MBNL1: variants seen among roughly 807,000 people sequenced by gnomAD.
MBNL1 encodes the protein muscleblind like splicing regulator 1.
In MBNL1, 8 loss-of-function variants were observed where a neutral mutation model predicts 42.2. The observed-to-expected ratio is 0.19, with a 90% CI of 0.11 to 0.34. The LOEUF (loss-of-function observed/expected upper bound fraction) is 0.34, where lower values mean the gene tolerates loss of function less well. Among genes scored for constraint, MBNL1 ranks in the 10% least tolerant of loss-of-function variants. The pLI, the probability that MBNL1 is intolerant of heterozygous loss-of-function variation, is 1.00. For missense variants in MBNL1, 309 were observed against 495.3 expected (o/e 0.62, Z 3.57); for synonymous variants, 169 against 173.9 (o/e 0.97, Z 0.22).
upstream of MBNL1, chr3:152,268,918 C>A (rs1034447152): frequency 2.2e-6 from 1 of 455,900 alleles, no homozygotes; most frequent in Non-Finnish European, 4.4e-6. Flanking sequence ...GGCTGCACAG[C>A]GACATGCAAC....
chr3:152,374,136 A>C (rs1186934177), intron 2 of MBNL1, among the ~76,000 whole-genome samples: 1 of 152,260 alleles, frequency 6.6e-6, no homozygotes, highest in African/African-American at 2.4e-5. Context: ...TAAAGATAAA[A>C]GAAATAGAAT....
intron 2 of MBNL1, among the ~76,000 whole-genome samples, chr3:152,310,748 A>C (rs796276206): frequency 3.9e-5 from 6 of 152,250 alleles, no homozygotes; most frequent in African/African-American, 1.4e-4. Flanking sequence ...GTCTGAACCT[A>C]AAGTCCAGAA....
At chr3:152,436,145 G>A (rs182304869) in intron 4 of MBNL1, among the ~76,000 whole-genome samples, 1 of 152,264 alleles carries the variant, frequency 6.6e-6, no homozygotes, top group East Asian at 1.9e-4. Flanking sequence ...TGTCAGTTTA[G>A]CAGGAATTTA....
chr3:152,414,818 T>C (rs948032332), intron 2 of MBNL1, 123 bp from the exon 3 acceptor site: 5 of 835,260 alleles, frequency 6.0e-6, no homozygotes, highest in African/African-American at 3.5e-5. Context: ...TCAAATGATA[T>C]GGACAATGCA....
At chr3:152,268,584 G>T (rs1045720029), upstream of MBNL1, 2 of 355,890 alleles carry the variant, frequency 5.6e-6, no homozygotes, top group Non-Finnish European at 1.1e-5. Context: ...CCCGCCGCGA[G>T]GTTACAATGC....
At chr3:152,336,093 A>C (rs1044747806) in intron 2 of MBNL1, among the ~76,000 whole-genome samples, 4 of 152,188 alleles carry the variant, frequency 2.6e-5, no homozygotes, top group Non-Finnish European at 4.4e-5. Context: ...TGCGATGCTT[A>C]ACAACAGTTA....
At chr3:152,379,541 T>C (rs2097087349) in intron 2 of MBNL1, among the ~76,000 whole-genome samples, 1 of 152,206 alleles carries the variant, frequency 6.6e-6, no homozygotes, top group African/African-American at 2.4e-5. Flanking sequence ...TGTTTATGCA[T>C]TTCAGATGCG....
Position 152,455,552 on chromosome 3 carries a change from G to T in MBNL1, c.972G>T (p.Leu324Phe), listed in dbSNP as rs1174106822. Reference sequence around the variant, plus strand: ...ATGCATGATGGGCAGGCTCAATATTGTGCATGACACCCGCTACAAGTGTTG... The same window carrying T: ...ATGCATGATGGGCAGGCTCAATATTTTGCATGACACCCGCTACAAGTGTTG... ...HTAFLPPGSILCMTPATSVVP... is the reference protein window; with the variant it reads ...HTAFLPPGSIFCMTPATSVVP... Residue 324 changes from leucine to phenylalanine, a missense_variant, in exon 7 of 10, where the codon TTG becomes TTT. Physicochemically the swap from Leu to Phe is conservative, Grantham distance 22. Transcript: ENST00000324210. 6.2e-7 allele frequency: 1 copy of T among 1,613,322 alleles called. No individual in the cohort carries two copies. The highest frequency in any genetic ancestry group is 1.1e-5 in the South Asian group (1 of 91,030).
intron 3 of MBNL1, among the ~76,000 whole-genome samples, chr3:152,423,295 A>G (rs1294966942): frequency 2.0e-5 from 3 of 152,258 alleles, no homozygotes; most frequent in East Asian, 1.9e-4. Context: ...AGAGAATACT[A>G]TAAACACCTC....
chr3:152,418,725 T>C (rs549090999), intron 3 of MBNL1, among the ~76,000 whole-genome samples: 1 of 149,466 alleles, frequency 6.7e-6, no homozygotes, highest in African/African-American at 2.5e-5. Context: ...TTTTTTTTTT[T>C]TTTTTTTTTG....
At chr3:152,321,534 A>G (rs2076491342) in intron 2 of MBNL1, among the ~76,000 whole-genome samples, 1 of 152,068 alleles carries the variant, frequency 6.6e-6, no homozygotes, top group Non-Finnish European at 1.5e-5. Flanking sequence ...CCATGAAGCA[A>G]TACTTAATGT....
chr3:152,317,323 T>A (rs1375489220), intron 2 of MBNL1, among the ~76,000 whole-genome samples: 1 of 152,148 alleles, frequency 6.6e-6, no homozygotes, highest in Non-Finnish European at 1.5e-5. Context: ...TTTATTCCTT[T>A]AAAAAAATTT....
At chr3:152,358,383 A>G (rs1337614713) in intron 2 of MBNL1, among the ~76,000 whole-genome samples, 1 of 152,132 alleles carries the variant, frequency 6.6e-6, no homozygotes, top group Admixed American at 6.6e-5. Context: ...GCTTCTTGAG[A>G]ATTGTGTAGT....
chr3:152,300,669 T>C (rs2060360447), intron 2 of MBNL1, among the ~76,000 whole-genome samples: 1 of 152,222 alleles, frequency 6.6e-6, no homozygotes, highest in Non-Finnish European at 1.5e-5. Flanking sequence ...ATGGTAAATG[T>C]AGCTACCTGT....
rs2097679034 is a variant in MBNL1 at position 152,390,649 on chromosome 3, T to A, written c.175-24292T>A. On this transcript the variant is annotated intron_variant, in intron 2 of 9. Transcript: ENST00000324210. ...CACACACACACACACACACACACTC[T>A]GATATAAGTGGGTTGTAGTCCTCTG... Among the ~76,000 whole-genome samples the A allele has an allele frequency of 2.6e-5, 3 of 117,060 alleles. No individual in the cohort carries two copies. In the South Asian group the frequency reaches 7.8e-4, roughly 31 times the overall value. 76.8% of individuals were successfully genotyped at this position (117,060 alleles called of 152,430 possible). A position where few individuals can be genotyped will look rare whatever the true frequency, so the allele number is the denominator to read the frequency against.
chr3:152,426,565 G>T (rs1207058744), intron 3 of MBNL1, among the ~76,000 whole-genome samples: 1 of 152,164 alleles, frequency 6.6e-6, no homozygotes, highest in Non-Finnish European at 1.5e-5. Context: ...CAGAAATTCT[G>T]TTGTTGCCAG....
intron 2 of MBNL1, among the ~76,000 whole-genome samples, chr3:152,359,408 A>T (rs2095778029): frequency 6.6e-6 from 1 of 152,354 alleles, no homozygotes; most frequent in African/African-American, 2.4e-5. Flanking sequence ...GGTGAGATGG[A>T]TCCAGTGGTA....
intron 2 of MBNL1, among the ~76,000 whole-genome samples, chr3:152,373,941 T>G (rs2096788739): frequency 6.6e-6 from 1 of 152,220 alleles, no homozygotes; most frequent in South Asian, 2.1e-4. Flanking sequence ...TTGATGATTT[T>G]CCTTATTTAT....
upstream of MBNL1, chr3:152,268,556 G>C (rs1276296249): frequency 5.7e-6 from 2 of 350,034 alleles, no homozygotes; most frequent in South Asian, 2.1e-5. Context: ...AGAAGCGGGA[G>C]GGCGTCCGGT....
Sources: gnomAD v4.1 joint callset for allele counts (sites outside exome capture counted in the v4.1 genomes callset) on GRCh38, gnomAD v4.1.1 for gene constraint, MANE v1.5 for transcripts, NCBI Gene and HGNC (gene_info 2026-07-23, HGNC 2026-07-21) for gene names.